The following SLC5A3 variants were observed in gnomAD, a reference collection of about 807,000 sequenced individuals.
SLC5A3 encodes solute carrier family 5 member 3.
SLC5A3 carries 10 observed loss-of-function variants against 43.2 expected under a neutral mutation model. The observed-to-expected ratio is 0.23, with a 90% CI of 0.14 to 0.39. SLC5A3 has a LOEUF of 0.39. Ranked by LOEUF, SLC5A3 falls within the 10% of genes least tolerant of loss-of-function variation. SLC5A3 has a pLI of 1.00. For missense variants in SLC5A3, 608 were observed against 893.4 expected (o/e 0.68, Z 4.07); for synonymous variants, 349 against 322.0 (o/e 1.08, Z -0.90).
At chr21:34,086,237 C>T (rs972680903) in intron 1 of SLC5A3, among the ~76,000 whole-genome samples, 123 of 151,936 alleles carry the variant, frequency 8.1e-4, no homozygotes, top group African/African-American at 2.9e-3. Flanking sequence ...TTTGTAAGAG[C>T]ACTTAAGTGG....
chr21:34,097,589 A>C lies in SLC5A3; in HGVS notation c.*234A>C, dbSNP rs780359814. On this transcript the variant is annotated 3_prime_UTR_variant, in exon 2 of 2. Coordinates refer to ENST00000381151, the MANE Select transcript of SLC5A3 (RefSeq NM_006933.7). ...GACTGAATTGTGCAAATGTGGTTTT[A>C]AATTTTGCATACCAAAGTAAGAAGA... 59 of 1,267,358 alleles carry C rather than the reference A, an allele frequency of 4.7e-5. No homozygotes were observed. The highest frequency in any genetic ancestry group is 1.1e-4 in the African/African-American group (7 of 64,806). The allele number at this position is 1,267,358 out of a possible 1,614,324, so 78.5% of individuals were successfully genotyped here.
chr21:34,101,874 A>T lies in SLC5A3; in HGVS notation c.*4519A>T, dbSNP rs555087445. ...TCTCAAAACTCCTTTTTCAAAAATT[A>T]GGGAGAGAGCAGTAGTGATCATTTA... is the stretch of plus-strand genomic sequence containing the variant. On this transcript the variant is annotated 3_prime_UTR_variant, in exon 2 of 2. Coordinates refer to ENST00000381151, the MANE Select transcript of SLC5A3 (RefSeq NM_006933.7). 5.0e-6 allele frequency: 5 copies of T among 1,000,146 alleles called. No homozygotes were observed. The East Asian group carries it at 5.7e-4, about 113-fold the overall frequency. The allele number at this position is 1,000,146 out of a possible 1,614,324, so 62.0% of individuals were successfully genotyped here. A position where few individuals can be genotyped will look rare whatever the true frequency, so the allele number is the denominator to read the frequency against.
intron 1 of SLC5A3, among the ~76,000 whole-genome samples, chr21:34,088,680 G>GT (rs200542372): frequency 1 from 152,316 of 152,316 alleles, 76,158 homozygotes; most frequent in Non-Finnish European, 1. Flanking sequence ...ATAGATGTGA[G>GT]GCAACATCCT....
chr21:34,101,814 C>CT lies in SLC5A3; in HGVS notation c.*4462dup. Reference sequence around the variant, plus strand: ...AATTCTCAGGAATGATTTTCTCACACTTTGTGTTGGCTAATAATAAAAGCA... The same window carrying CT: ...AATTCTCAGGAATGATTTTCTCACACTTTTGTGTTGGCTAATAATAAAAGCA... On this transcript the variant is annotated 3_prime_UTR_variant, in exon 2 of 2. Coordinates refer to ENST00000381151, the MANE Select transcript of SLC5A3 (RefSeq NM_006933.7). 2.0e-6 allele frequency: 2 copies of CT among 998,490 alleles called. No individual in the cohort carries two copies. The highest frequency in any genetic ancestry group is 2.4e-6 in the Non-Finnish European group (2 of 828,530). The allele number at this position is 998,490 out of a possible 1,614,324, so 61.9% of individuals were successfully genotyped here.
chr21:34,102,268 T>C lies in SLC5A3; in HGVS notation c.*4913T>C. The C allele has an allele frequency of 2.0e-6, 2 of 999,822 alleles. No individual in the cohort carries two copies. The highest frequency in any genetic ancestry group is 2.4e-6 in the Non-Finnish European group (2 of 829,730). The allele number at this position is 999,822 out of a possible 1,614,324, so 61.9% of individuals were successfully genotyped here. A position where few individuals can be genotyped will look rare whatever the true frequency, so the allele number is the denominator to read the frequency against. On this transcript the variant is annotated 3_prime_UTR_variant, in exon 2 of 2. Transcript: ENST00000381151. ...GAGTCCCACACCATTATTCACTTAG[T>C]AGTCATATAAATGTTTTTATTTAAA...
In SLC5A3 at chr21:34,097,494, A is replaced by G. The variant is rs575558370; in HGVS notation, c.*139A>G. ...ATTTTACTTAGCAGAAAATCATCTA[A>G]TTACAAGACTTTATTTTCCCAGAGA... On this transcript the variant is annotated 3_prime_UTR_variant, in exon 2 of 2. Coordinates refer to ENST00000381151, the MANE Select transcript of SLC5A3 (RefSeq NM_006933.7). 18 of 1,428,220 alleles carry G rather than the reference A, an allele frequency of 1.3e-5. No homozygotes were observed. The South Asian group carries it at 2.9e-4, about 23-fold the overall frequency. The allele number at this position is 1,428,220 out of a possible 1,614,324, so 88.5% of individuals were successfully genotyped here. A position where few individuals can be genotyped will look rare whatever the true frequency, so the allele number is the denominator to read the frequency against.
chr21:34,085,600 CTTTT>C (rs56135810), intron 1 of SLC5A3, among the ~76,000 whole-genome samples: 5 of 130,258 alleles, frequency 3.8e-5, no homozygotes, highest in South Asian at 2.4e-4. Flanking sequence ...GAAATAAGGA[CTTTT>C]TTTTTTTTTT....
intron 1 of SLC5A3, among the ~76,000 whole-genome samples, chr21:34,087,450 T>C (rs1978450791): frequency 6.6e-6 from 1 of 152,220 alleles, no homozygotes; most frequent in African/African-American, 2.4e-5. Flanking sequence ...CTAGGACACA[T>C]CAGGGAACAA....
In SLC5A3 at chr21:34,073,691, TCC is replaced by T; in HGVS notation, c.-390_-389del. 6.6e-7 allele frequency: 1 copy of T among 1,519,450 alleles called. No homozygotes were observed. Among genetic ancestry groups the T allele is most frequent in the Non-Finnish European group, 8.9e-7 (1 of 1,126,012 alleles). 94.1% of individuals were successfully genotyped at this position (1,519,450 alleles called of 1,614,324 possible). A position where few individuals can be genotyped will look rare whatever the true frequency, so the allele number is the denominator to read the frequency against. On this transcript the variant is annotated 5_prime_UTR_variant, in exon 1 of 2. Coordinates refer to ENST00000381151, the MANE Select transcript of SLC5A3 (RefSeq NM_006933.7). ...CTGGCTTCCGAGCCGCACTCGCCGA[TCC>T]TCCAGGCATGCCCCGCTACGAGCTG...
At chr21:34,091,208 A>G (rs1242559238) in intron 1 of SLC5A3, among the ~76,000 whole-genome samples, 1 of 152,198 alleles carries the variant, frequency 6.6e-6, no homozygotes, top group Non-Finnish European at 1.5e-5. Context: ...CTCCAAAGCT[A>G]AAAGAGGTGG....
chr21:34,101,749 A>G lies in SLC5A3; in HGVS notation c.*4394A>G. On this transcript the variant is annotated 3_prime_UTR_variant, in exon 2 of 2. Transcript: ENST00000381151. ...AAATAATGACTCATTAAATATAATT[A>G]TGTTTTAAGTATACTGAATTTCTGT... is the stretch of plus-strand genomic sequence containing the variant. 1.0e-6 allele frequency: 1 copy of G among 993,298 alleles called. No individual in the cohort carries two copies. Among genetic ancestry groups the G allele is most frequent in the Non-Finnish European group, 1.2e-6 (1 of 823,840 alleles). The allele number at this position is 993,298 out of a possible 1,614,324, so 61.5% of individuals were successfully genotyped here.
At chr21:34,083,935 G>A (rs1186897573) in intron 1 of SLC5A3, among the ~76,000 whole-genome samples, 3 of 152,168 alleles carry the variant, frequency 2.0e-5, no homozygotes, top group Non-Finnish European at 2.9e-5. Context: ...GAAAACAGTC[G>A]TGACCCTATT....
Position 34,105,417 on chromosome 21 carries a change from T to C in SLC5A3, c.*8062T>C, listed in dbSNP as rs1000831032. The C allele has an allele frequency of 3.0e-6, 3 of 998,672 alleles. No individual in the cohort carries two copies. The African/African-American group carries it at 5.2e-5, about 17-fold the overall frequency. The allele number at this position is 998,672 out of a possible 1,614,324, so 61.9% of individuals were successfully genotyped here. On this transcript the variant is annotated 3_prime_UTR_variant, in exon 2 of 2. Transcript: ENST00000381151. The stretch of plus-strand genomic sequence containing the variant: ...TTCTAATAATATCCTGTGAAATTGC[T>C]TCATTCATTCATTTATTTTTAAGCC...
Position 34,100,666 on chromosome 21 carries a change from G to C in SLC5A3, c.*3311G>C. 1 of 1,000,228 alleles carries C rather than the reference G, an allele frequency of 1.0e-6. No individual in the cohort carries two copies. The allele number at this position is 1,000,228 out of a possible 1,614,324, so 62.0% of individuals were successfully genotyped here. On this transcript the variant is annotated 3_prime_UTR_variant, in exon 2 of 2. Transcript: ENST00000381151. ...TGAAACTTCACATTTTAAGAACTGA[G>C]TTGAGGGGGTTGTTATGCACTTCTG...
At chr21:34,088,650 G>A (rs1437262577) in intron 1 of SLC5A3, among the ~76,000 whole-genome samples, 2 of 152,156 alleles carry the variant, frequency 1.3e-5, no homozygotes, top group East Asian at 3.9e-4. Flanking sequence ...AGTGATTAAG[G>A]GCAAAAGCTG....
Position 34,073,641 on chromosome 21 carries a change from CG to C in SLC5A3, c.-440del. 1 of 1,457,914 alleles carries C rather than the reference CG, an allele frequency of 6.9e-7. No individual in the cohort carries two copies. The allele number at this position is 1,457,914 out of a possible 1,614,324, so 90.3% of individuals were successfully genotyped here. On this transcript the variant is annotated 5_prime_UTR_variant, in exon 1 of 2. Coordinates refer to ENST00000381151, the MANE Select transcript of SLC5A3 (RefSeq NM_006933.7). The stretch of plus-strand genomic sequence containing the variant: ...TAGGTCCCCACTGTCCCCGCCGTCC[CG>C]CCCCTTCGCGTCCCGGGAACCGGCT...
chr21:34,100,430 T>TA lies in SLC5A3; in HGVS notation c.*3076dup. On this transcript the variant is annotated 3_prime_UTR_variant, in exon 2 of 2. Coordinates refer to ENST00000381151, the MANE Select transcript of SLC5A3 (RefSeq NM_006933.7). Reference sequence around the variant, plus strand: ...CCAGCTATTCTTTCCTGGGGGTAATTATGCTTTGTCTTTAGATTAGAGAAG... The same window carrying TA: ...CCAGCTATTCTTTCCTGGGGGTAATTAATGCTTTGTCTTTAGATTAGAGAAG... The TA allele has an allele frequency of 1.0e-6, 1 of 1,000,234 alleles. No homozygotes were observed. Among genetic ancestry groups the TA allele is most frequent in the Non-Finnish European group, 1.2e-6 (1 of 829,976 alleles). The allele number at this position is 1,000,234 out of a possible 1,614,324, so 62.0% of individuals were successfully genotyped here.
In SLC5A3 at chr21:34,104,506, T is replaced by TA. The variant is rs143789964; in HGVS notation, c.*7152dup. ...CTTTGTTCCTACTCTTTTATATAAT[T>TA]ATCCTTTTAGGGAAAGACTTGGTCA... On this transcript the variant is annotated 3_prime_UTR_variant, in exon 2 of 2. Coordinates refer to ENST00000381151, the MANE Select transcript of SLC5A3 (RefSeq NM_006933.7). 15,081 of 998,414 alleles carry TA rather than the reference T, an allele frequency of 0.015. 1,738 individuals are homozygous for TA. The African/African-American group carries it at 0.24, about 16-fold the overall frequency. 61.8% of individuals were successfully genotyped at this position (998,414 alleles called of 1,614,324 possible).
chr21:34,082,185 G>A (rs913325690), intron 1 of SLC5A3, among the ~76,000 whole-genome samples: 2 of 152,030 alleles, frequency 1.3e-5, no homozygotes, highest in African/African-American at 4.8e-5. Flanking sequence ...TAGGTTGTCT[G>A]TAAATCTCTT....
Sources: gnomAD v4.1 joint callset for allele counts (sites outside exome capture counted in the v4.1 genomes callset) on GRCh38, gnomAD v4.1.1 for gene constraint, MANE v1.5 for transcripts, NCBI Gene and HGNC (gene_info 2026-07-23, HGNC 2026-07-21) for gene names.